PPP5C: variants seen among roughly 807,000 people sequenced by gnomAD.
The protein encoded by PPP5C is protein phosphatase 5 catalytic subunit.
A neutral mutation model predicts 66.7 loss-of-function variants in PPP5C; 21 were observed. That is an observed-to-expected ratio of 0.31 (90% CI 0.22 to 0.45). The LOEUF is 0.45. PPP5C is among the 20% of genes least tolerant of loss of function. The pLI, the probability that PPP5C is intolerant of heterozygous loss-of-function variation, is 1.00. For synonymous variants in PPP5C, 246 were observed against 257.4 expected (o/e 0.96, Z 0.43); for missense variants, 464 against 675.9 (o/e 0.69, Z 3.48).
chr19:46,383,906 C>G lies in PPP5C; in HGVS notation c.798+28C>G, dbSNP rs368887783. Reference sequence around the variant, plus strand: ...ATCCTTCTCAGCAGAGCCACCCTCTCCCCACCTCCACCCCCAGCCGCAGCC... The same window carrying G: ...ATCCTTCTCAGCAGAGCCACCCTCTGCCCACCTCCACCCCCAGCCGCAGCC... On this transcript the variant is annotated intron_variant, in intron 6 of 12. Transcript: ENST00000012443. The surrounding 1 kb of genome is among the most constrained non-coding windows in gnomAD (Gnocchi z 5.0). The G allele has an allele frequency of 4.6e-4, 715 of 1,545,346 alleles. No individual in the cohort carries two copies. Among genetic ancestry groups the G allele is most frequent in the Non-Finnish European group, 5.9e-4 (655 of 1,117,908 alleles).
rs1972936464 is a variant in PPP5C, at chr19:46,388,735, T to C, written c.1355+4T>C. On this transcript the variant is annotated splice_donor_region_variant and intron_variant, in intron 11 of 12. Coordinates refer to ENST00000012443, the MANE Select transcript of PPP5C (RefSeq NM_006247.4). This position sits in a 1 kb window ranked among gnomAD's most constrained non-coding sequence, Gnocchi z 4.9. ...TCTTCTCTGCCCCCAACTACTGGTA[T>C]GTCTTTGCCTTTCCAGCCCAGGGCC... The C allele has an allele frequency of 4.3e-6, 7 of 1,611,106 alleles. No individual in the cohort carries two copies. The African/African-American group carries it at 5.3e-5, about 12-fold the overall frequency.
chr19:46,376,430 G>A lies in PPP5C; in HGVS notation c.512-23G>A, dbSNP rs1374386022. 22 of 1,610,916 alleles carry A rather than the reference G, an allele frequency of 1.4e-5. No homozygotes were observed. Among genetic ancestry groups the A allele is most frequent in the East Asian group, 4.5e-5 (2 of 44,790 alleles). ...ATAGTGGCTGTGGTCACTGACTCTCGTGTCCCGTTGTTCACACCCTAGCCA... is the reference window on the plus strand; with the variant it reads ...ATAGTGGCTGTGGTCACTGACTCTCATGTCCCGTTGTTCACACCCTAGCCA... On this transcript the variant is annotated intron_variant, in intron 3 of 12. Transcript: ENST00000012443. The surrounding 1 kb of genome is among the most constrained non-coding windows in gnomAD (Gnocchi z 5.1).
chr19:46,381,557 G>A (rs1972791407), intron 4 of PPP5C: 1 of 152,104 alleles, frequency 6.6e-6, no homozygotes, highest in African/African-American at 2.4e-5. Context: ...GACCAGCCTG[G>A]GCAACTTGTA....
chr19:46,351,860 G>T (rs1344552131), intron 1 of PPP5C, among the ~76,000 whole-genome samples: 2 of 152,236 alleles, frequency 1.3e-5, no homozygotes, highest in Non-Finnish European at 2.9e-5. Flanking sequence ...GGCTGGGGCA[G>T]CCCAGTCGGG....
intron 1 of PPP5C, among the ~76,000 whole-genome samples, chr19:46,351,583 C>T (rs1972185319): frequency 6.6e-6 from 1 of 152,246 alleles, no homozygotes; most frequent in South Asian, 2.1e-4. Context: ...CTCCAGGATC[C>T]CCTCCCTGTG....
rs1309602722 is a variant in PPP5C at position 46,388,740 on chromosome 19, T to G, written c.1355+9T>G. The G allele has an allele frequency of 6.2e-7, 1 of 1,611,764 alleles. No individual in the cohort carries two copies. Among genetic ancestry groups the G allele is most frequent in the Non-Finnish European group, 8.5e-7 (1 of 1,178,236 alleles). On this transcript the variant is annotated intron_variant, in intron 11 of 12. Transcript: ENST00000012443. This position sits in a 1 kb window ranked among gnomAD's most constrained non-coding sequence, Gnocchi z 4.9. ...TCTGCCCCCAACTACTGGTATGTCT[T>G]TGCCTTTCCAGCCCAGGGCCTCTAC... is the stretch of plus-strand genomic sequence containing the variant.
chr19:46,390,014 C>G, intron 11 of PPP5C, 37 bp from the exon 12 acceptor site: 1 of 1,602,112 alleles, frequency 6.2e-7, no homozygotes, highest in Non-Finnish European at 8.6e-7. Flanking sequence ...CCCACCCAGC[C>G]CTGACCACAC....
chr19:46,390,565 A>T lies in PPP5C; in HGVS notation c.*219A>T. On this transcript the variant is annotated 3_prime_UTR_variant, in exon 13 of 13. Transcript: ENST00000012443. ...CCCTGGACAGAGAGGAAGGAGGTGG[A>T]GCAGCTGGGGCTGGGGGCACAGCCT... The T allele has an allele frequency of 7.2e-7, 1 of 1,393,274 alleles. No homozygotes were observed. The highest frequency in any genetic ancestry group is 9.3e-7 in the Non-Finnish European group (1 of 1,071,672). The allele number at this position is 1,393,274 out of a possible 1,614,324, so 86.3% of individuals were successfully genotyped here. A position where few individuals can be genotyped will look rare whatever the true frequency, so the allele number is the denominator to read the frequency against.
At chr19:46,369,580 G>A (rs1416292472) in intron 2 of PPP5C, among the ~76,000 whole-genome samples, 1 of 146,796 alleles carries the variant, frequency 6.8e-6, no homozygotes, top group Non-Finnish European at 1.5e-5. Context: ...TGCAGTGAGC[G>A]GACATTGCGC....
chr19:46,352,806 C>T (rs368294638), intron 1 of PPP5C, among the ~76,000 whole-genome samples: 63 of 136,122 alleles, frequency 4.6e-4, no homozygotes, highest in East Asian at 1.7e-3. Flanking sequence ...GGCGACAGAG[C>T]GAGACTCCAT....
chr19:46,389,460 C>CAG (rs1555795166), intron 11 of PPP5C, among the ~76,000 whole-genome samples: 3,659 of 120,540 alleles, frequency 0.03, 970 homozygotes, highest in East Asian at 0.15. Context: ...CACACACACA[C>CAG]AGTGTTGATC....
At position 46,351,212 on chromosome 19, in the gene PPP5C, G is replaced by A. The variant is rs530852616; in HGVS notation, c.122-2536G>A. 3.9e-5 allele frequency among the ~76,000 whole-genome samples: 6 copies of A among 152,234 alleles called. No individual in the cohort carries two copies. The South Asian group carries it at 6.2e-4, about 16-fold the overall frequency. On this transcript the variant is annotated intron_variant, in intron 1 of 12. Transcript: ENST00000012443. The stretch of plus-strand genomic sequence containing the variant: ...TGTCTTCCTTTACCTGCTTGATGAC[G>A]CCTGGGCAAATGACTTAACTTCTCT...
chr19:46,358,437 AAG>A (rs1257769687), intron 2 of PPP5C, among the ~76,000 whole-genome samples: 8 of 152,206 alleles, frequency 5.3e-5, no homozygotes, highest in Non-Finnish European at 8.8e-5. Context: ...TAATTGAGAT[AAG>A]AGACAATGTC....
In PPP5C at chr19:46,390,356, C is replaced by T. The variant is rs752209870; in HGVS notation, c.*10C>T. On this transcript the variant is annotated 3_prime_UTR_variant, in exon 13 of 13. Transcript: ENST00000012443. ...GCTAGGAATGATGTGAGGTGACGGG[C>T]GGGGCGGCCTGCATCCCAGGGCCCC... is the stretch of plus-strand genomic sequence containing the variant. The T allele has an allele frequency of 6.5e-5, 102 of 1,566,650 alleles. No individual in the cohort carries two copies. Among genetic ancestry groups the T allele is most frequent in the African/African-American group, 8.1e-5 (6 of 73,846 alleles).
chr19:46,379,948 A>G (rs1453643080), intron 4 of PPP5C, among the ~76,000 whole-genome samples: 1 of 152,226 alleles, frequency 6.6e-6, no homozygotes, highest in Non-Finnish European at 1.5e-5. Context: ...AAAGATTACA[A>G]TGTGTAACTT....
intron 2 of PPP5C, among the ~76,000 whole-genome samples, chr19:46,367,183 C>G (rs1020198688): frequency 5.3e-5 from 8 of 152,208 alleles, no homozygotes; most frequent in African/African-American, 1.9e-4. Context: ...GGAATTCTGA[C>G]AGAAGGTTTA....
chr19:46,365,513 G>A (rs759012746), intron 2 of PPP5C, among the ~76,000 whole-genome samples: 1 of 152,188 alleles, frequency 6.6e-6, no homozygotes, highest in Non-Finnish European at 1.5e-5. Context: ...TCTTCCAGGT[G>A]TCACCAGTGA....
At chr19:46,386,010 C>T (rs1464547927) in intron 7 of PPP5C, among the ~76,000 whole-genome samples, 1 of 151,164 alleles carries the variant, frequency 6.6e-6, no homozygotes, top group African/African-American at 2.4e-5. Flanking sequence ...GAGGAACAGA[C>T]ACAGGTGTGA....
rs1320190424 is a variant in PPP5C, at chr19:46,383,378, A to G, written c.634-33A>G. On this transcript the variant is annotated intron_variant, in intron 4 of 12. Coordinates refer to ENST00000012443, the MANE Select transcript of PPP5C (RefSeq NM_006247.4). The surrounding 1 kb of genome is among the most constrained non-coding windows in gnomAD (Gnocchi z 5.0). ...GGCCAGGTTGGGCAGCAGCCCCTGC[A>G]GCCGGTCCCACTGAGTCTGCCCTGC... is the stretch of plus-strand genomic sequence containing the variant. 1.2e-6 allele frequency: 2 copies of G among 1,602,052 alleles called. No homozygotes were observed. Among genetic ancestry groups the G allele is most frequent in the Non-Finnish European group, 1.7e-6 (2 of 1,174,566 alleles).
Sources: gnomAD v4.1 joint callset for allele counts (sites outside exome capture counted in the v4.1 genomes callset) on GRCh38, gnomAD v4.1.1 for gene constraint, Gnocchi (gnomAD v3.1) non-coding constraint, MANE v1.5 for transcripts, NCBI Gene and HGNC (gene_info 2026-07-23, HGNC 2026-07-21) for gene names.